LRRC72: variants seen among roughly 807,000 people sequenced by gnomAD.
LRRC72 encodes the protein leucine rich repeat containing 72.
Under a neutral mutation model 35.8 loss-of-function variants are expected in LRRC72, and 41 were observed. That is an observed-to-expected ratio of 1.15 (90% confidence interval 0.89 to 1.49). The LOEUF is 1.49. Ranked by LOEUF, LRRC72 falls within the 40% of genes most tolerant of loss-of-function variation. The pLI is 0.00. For missense variants in LRRC72, 389 were observed against 330.7 expected (o/e 1.18, Z -1.37); for synonymous variants, 118 against 119.2 (o/e 0.99, Z 0.07).
At chr7:16,572,053 C>G (rs1782955469) in intron 7 of LRRC72, among the ~76,000 whole-genome samples, 1 of 152,100 alleles carries the variant, frequency 6.6e-6, no homozygotes, top group African/African-American at 2.4e-5. Context: ...GGTGGTTTTC[C>G]CCTCACAGTG....
At chr7:16,568,551 T>C (rs147926399) in intron 7 of LRRC72, among the ~76,000 whole-genome samples, 1 of 152,238 alleles carries the variant, frequency 6.6e-6, no homozygotes, top group African/African-American at 2.4e-5. Flanking sequence ...AAACAAATTA[T>C]AGATAGAAAT....
rs369049841 is a variant in LRRC72 at position 16,568,730 on chromosome 7, A to AC, written c.670+1187_670+1188insC. ...ACACATAACAACAACAACAACAACA[A>AC]GAGTCTTCACCAAAGGCAAAACCAT... On this transcript the variant is annotated intron_variant, in intron 7 of 8. Coordinates refer to ENST00000401542, the MANE Select transcript of LRRC72 (RefSeq NM_001195280.2). 7.6e-4 allele frequency among the ~76,000 whole-genome samples: 115 copies of AC among 152,310 alleles called. 1 individual carries two copies. The South Asian group carries it at 0.023, about 30-fold the overall frequency.
At chr7:16,547,799 T>C (rs1246830226) in intron 3 of LRRC72, among the ~76,000 whole-genome samples, 1 of 152,212 alleles carries the variant, frequency 6.6e-6, no homozygotes, top group African/African-American at 2.4e-5. Flanking sequence ...AGCTCGGCAC[T>C]GGCCTGCAGG....
chr7:16,565,343 C>G (rs185534523), intron 5 of LRRC72, among the ~76,000 whole-genome samples: 1 of 150,784 alleles, frequency 6.6e-6, no homozygotes. Flanking sequence ...TGAATCAGGA[C>G]AATTGCTTGA....
At chr7:16,537,798 A>C in intron 3 of LRRC72, 102 bp downstream of exon 3, 1 of 685,676 alleles carries the variant, frequency 1.5e-6, no homozygotes, top group Non-Finnish European at 2.3e-6. Context: ...TTTTTGCTTA[A>C]AATTTAAATT....
chr7:16,532,391 C>A lies in LRRC72; in HGVS notation c.91-104C>A, dbSNP rs990186442. On this transcript the variant is annotated intron_variant, in intron 1 of 8. Transcript: ENST00000401542. ...TTTAGAATGGTTACCTCCATATTCACCTTTCTTTTGATCTTCTTGTAGACG... is the reference window on the plus strand; with the variant it reads ...TTTAGAATGGTTACCTCCATATTCAACTTTCTTTTGATCTTCTTGTAGACG... 6 of 754,700 alleles carry A rather than the reference C, an allele frequency of 8.0e-6. No homozygotes were observed. The African/African-American group carries it at 1.0e-4, about 13-fold the overall frequency. 46.8% of individuals were successfully genotyped at this position (754,700 alleles called of 1,614,324 possible).
chr7:16,560,940 T>C (rs1782734781), intron 5 of LRRC72, among the ~76,000 whole-genome samples: 1 of 152,342 alleles, frequency 6.6e-6, no homozygotes, highest in African/African-American at 2.4e-5. Context: ...TTTAAATCTT[T>C]ACAGCATCCT....
intron 5 of LRRC72, among the ~76,000 whole-genome samples, chr7:16,562,084 C>A (rs1180922851): frequency 2.0e-5 from 3 of 152,174 alleles, no homozygotes; most frequent in African/African-American, 2.4e-5. Context: ...CCAAGGACTG[C>A]CTAGGAGACG....
chr7:16,568,463 A>G (rs933455715), intron 7 of LRRC72, among the ~76,000 whole-genome samples: 9 of 152,244 alleles, frequency 5.9e-5, no homozygotes, highest in Non-Finnish European at 1.2e-4. Context: ...AAGCAATAGA[A>G]GATATGAATT....
chr7:16,574,762 C>T (rs115496617), intron 7 of LRRC72, among the ~76,000 whole-genome samples: 2,021 of 151,856 alleles, frequency 0.013, 38 homozygotes, highest in African/African-American at 0.047. Context: ...CAAGCCTGCA[C>T]GTCCTGCACA....
intron 5 of LRRC72, among the ~76,000 whole-genome samples, chr7:16,564,411 G>C (rs1011777812): frequency 1.3e-5 from 2 of 149,406 alleles, no homozygotes; most frequent in Non-Finnish European, 2.9e-5. Context: ...ATATACATCT[G>C]TTCTATTCCC....
chr7:16,550,339 C>A (rs1782527809), intron 3 of LRRC72, among the ~76,000 whole-genome samples: 2 of 152,158 alleles, frequency 1.3e-5, no homozygotes, highest in Admixed American at 6.5e-5. Context: ...TCTTCTTAGA[C>A]AATATGGGGT....
chr7:16,536,479 C>T (rs576843585), intron 2 of LRRC72, among the ~76,000 whole-genome samples: 117 of 152,010 alleles, frequency 7.7e-4, no homozygotes, highest in Middle Eastern at 3.4e-3. Context: ...AAGCCTGCAA[C>T]TTTATTTTCA....
At chr7:16,581,075 A>G (rs182698335) in intron 8 of LRRC72, among the ~76,000 whole-genome samples, 1 of 152,206 alleles carries the variant, frequency 6.6e-6, no homozygotes, top group East Asian at 1.9e-4. Flanking sequence ...TGAGATCTAA[A>G]CTGTAATAGT....
intron 3 of LRRC72, among the ~76,000 whole-genome samples, chr7:16,553,324 G>C (rs1298537040): frequency 6.6e-6 from 1 of 152,266 alleles, no homozygotes; most frequent in Non-Finnish European, 1.5e-5. Flanking sequence ...AGATAGACTT[G>C]GGTTTGAATG....
At chr7:16,547,930 C>T (rs1206205042) in intron 3 of LRRC72, among the ~76,000 whole-genome samples, 2 of 152,380 alleles carry the variant, frequency 1.3e-5, no homozygotes, top group East Asian at 3.9e-4. Context: ...GGCCTAAAGG[C>T]TGAGGGCTGG....
intron 7 of LRRC72, among the ~76,000 whole-genome samples, chr7:16,575,613 T>A (rs1783027111): frequency 6.6e-6 from 1 of 152,216 alleles, no homozygotes; most frequent in Non-Finnish European, 1.5e-5. Flanking sequence ...GCTTGATATG[T>A]AAAACATTGA....
intron 3 of LRRC72, among the ~76,000 whole-genome samples, chr7:16,550,192 G>T (rs1782524463): frequency 6.6e-6 from 1 of 151,940 alleles, no homozygotes. Flanking sequence ...ACTCCAACCT[G>T]GGCAACAGAG....
At chr7:16,555,123 G>A (rs1782628167) in intron 3 of LRRC72, among the ~76,000 whole-genome samples, 1 of 152,128 alleles carries the variant, frequency 6.6e-6, no homozygotes, top group Admixed American at 6.5e-5. Flanking sequence ...CCTATCTTGG[G>A]GAAACACGGC....
Sources: gnomAD v4.1 joint callset for allele counts (sites outside exome capture counted in the v4.1 genomes callset) on GRCh38, gnomAD v4.1.1 for gene constraint, MANE v1.5 for transcripts, NCBI Gene and HGNC (gene_info 2026-07-23, HGNC 2026-07-21) for gene names.